Variants in KLHL29 observed in about 807,000 individuals in gnomAD.
KLHL29 encodes kelch-like protein 29.
Under a neutral mutation model 80.4 loss-of-function variants are expected in KLHL29, and 21 were observed. The observed-to-expected ratio is 0.26, with a 90% CI of 0.19 to 0.38. KLHL29 has a LOEUF of 0.38. Among genes scored for constraint, KLHL29 ranks in the 10% least tolerant of loss-of-function variants. The probability of loss-of-function intolerance (pLI) is 1.00; values close to 1 mark genes in which losing one functional copy is unlikely to be tolerated. For synonymous variants in KLHL29, 511 were observed against 526.8 expected (o/e 0.97, Z 0.41); for missense variants, 867 against 1,223.9 (o/e 0.71, Z 4.35).
At chr2:23,598,407 T>C (rs896091087) in intron 3 of KLHL29, among the ~76,000 whole-genome samples, 1 of 152,140 alleles carries the variant, frequency 6.6e-6, no homozygotes, top group African/African-American at 2.4e-5. Flanking sequence ...AAAAGGAAAA[T>C]TCAGATGATA....
At chr2:23,494,114 C>T (rs1665186567) in intron 2 of KLHL29, among the ~76,000 whole-genome samples, 1 of 152,172 alleles carries the variant, frequency 6.6e-6, no homozygotes, top group Non-Finnish European at 1.5e-5. Flanking sequence ...GAAGCTTGAA[C>T]TAAATTGCTT....
At chr2:23,691,502 C>T in intron 6 of KLHL29, 172 bp from the exon 7 acceptor site, 1 of 611,602 alleles carries the variant, frequency 1.6e-6, no homozygotes. Flanking sequence ...TGGTCAGACT[C>T]TTCTCTTTCA....
intron 3 of KLHL29, among the ~76,000 whole-genome samples, chr2:23,613,732 C>G (rs1375676966): frequency 1.5e-5 from 2 of 134,976 alleles, no homozygotes; most frequent in Admixed American, 7.9e-5. Flanking sequence ...CCATTGCACT[C>G]CAGCCTGGGC....
chr2:23,424,260 G>A (rs1317985873), intron 1 of KLHL29, among the ~76,000 whole-genome samples: 1 of 152,182 alleles, frequency 6.6e-6, no homozygotes, highest in Non-Finnish European at 1.5e-5. Flanking sequence ...ATGGAACTTT[G>A]GGAGCCTCTG....
At chr2:23,576,396 T>C (rs1419939567) in intron 3 of KLHL29, among the ~76,000 whole-genome samples, 1 of 152,038 alleles carries the variant, frequency 6.6e-6, no homozygotes, top group Non-Finnish European at 1.5e-5. Context: ...GAGCAAAATA[T>C]ATTGTACCCA....
chr2:23,584,993 C>G (rs1171903659), intron 3 of KLHL29, among the ~76,000 whole-genome samples: 1 of 152,198 alleles, frequency 6.6e-6, no homozygotes, highest in East Asian at 1.9e-4. Context: ...ACCTTGGCCT[C>G]CCAAAGTGCT....
intron 11 of KLHL29, among the ~76,000 whole-genome samples, chr2:23,701,691 T>C (rs1432913599): frequency 2.0e-5 from 3 of 151,504 alleles, no homozygotes; most frequent in Admixed American, 6.6e-5. Context: ...CATTCTAGCC[T>C]AGGCAACAGA....
At chr2:23,577,168 G>A (rs559519038) in intron 3 of KLHL29, among the ~76,000 whole-genome samples, 1 of 152,334 alleles carries the variant, frequency 6.6e-6, no homozygotes, top group East Asian at 1.9e-4. Flanking sequence ...AGACCAGTAG[G>A]AGCCAGTGCA....
intron 2 of KLHL29, among the ~76,000 whole-genome samples, chr2:23,546,862 G>A (rs576459273): frequency 4.7e-4 from 72 of 152,248 alleles, no homozygotes; most frequent in African/African-American, 1.6e-3. Flanking sequence ...GCAGTGGAGA[G>A]CGAGGGTTGT....
At chr2:23,469,051 T>C (rs891258000) in intron 1 of KLHL29, among the ~76,000 whole-genome samples, 9 of 152,260 alleles carry the variant, frequency 5.9e-5, no homozygotes, top group African/African-American at 1.4e-4. Context: ...CCTATTTCTT[T>C]GCCTGTTGTT....
At chr2:23,676,430 C>T (rs1670924036) in intron 5 of KLHL29, among the ~76,000 whole-genome samples, 1 of 152,198 alleles carries the variant, frequency 6.6e-6, no homozygotes, top group Non-Finnish European at 1.5e-5. Flanking sequence ...GATCTGCCCG[C>T]CTCAGCCTCC....
chr2:23,444,417 C>A lies in KLHL29; in HGVS notation c.-153-31143C>A, dbSNP rs796229810. Among the ~76,000 whole-genome samples, 3 of 152,162 alleles carry A rather than the reference C, an allele frequency of 2.0e-5. No individual in the cohort carries two copies. In the East Asian group the frequency reaches 5.8e-4, roughly 29 times the overall value. ...TTGGCTCACTGCAACCTCCGCCTCT[C>A]GGGTTCAAGCGATTCTCCTGCCTCA... On this transcript the variant is annotated intron_variant, in intron 1 of 13. Transcript: ENST00000486442.
Position 23,684,662 on chromosome 2 carries a change from T to TCTC in KLHL29, c.1079+148_1079+150dup, listed in dbSNP as rs66787697. 37 of 554,104 alleles carry TCTC rather than the reference T, an allele frequency of 6.7e-5. No individual in the cohort carries two copies. Among genetic ancestry groups the TCTC allele is most frequent in the African/African-American group, 3.2e-4 (17 of 52,804 alleles). 34.3% of individuals were successfully genotyped at this position (554,104 alleles called of 1,614,324 possible). A position where few individuals can be genotyped will look rare whatever the true frequency, so the allele number is the denominator to read the frequency against. On this transcript the variant is annotated intron_variant, in intron 6 of 13. Coordinates refer to ENST00000486442, the MANE Select transcript of KLHL29 (RefSeq NM_052920.2). The surrounding 1 kb of genome is among the most constrained non-coding windows in gnomAD (Gnocchi z 4.4). Reference sequence around the variant, plus strand: ...CCCTGTCACAGAGCCAGTAGCCATCTCTCCTCCTCCTCCTCCTCCTCCTCC... The same window carrying TCTC: ...CCCTGTCACAGAGCCAGTAGCCATCTCTCCTCCTCCTCCTCCTCCTCCTCCTCC...
At chr2:23,624,694 C>T (rs1455357816) in intron 3 of KLHL29, among the ~76,000 whole-genome samples, 1 of 152,234 alleles carries the variant, frequency 6.6e-6, no homozygotes, top group African/African-American at 2.4e-5. Context: ...GAGTCTCTGG[C>T]TGCAGCAACC....
intron 8 of KLHL29, among the ~76,000 whole-genome samples, chr2:23,693,870 G>A (rs1249607273): frequency 2.0e-5 from 3 of 152,166 alleles, no homozygotes; most frequent in South Asian, 4.1e-4. Flanking sequence ...TGGACAGCCC[G>A]CAATGGACCA....
intron 1 of KLHL29, among the ~76,000 whole-genome samples, chr2:23,415,403 C>T (rs890389360): frequency 2.6e-5 from 4 of 152,222 alleles, no homozygotes; most frequent in African/African-American, 9.6e-5. Flanking sequence ...ATTTTAAAAA[C>T]GTTCTTTCTT....
At chr2:23,649,786 G>A (rs766451348) in intron 5 of KLHL29, among the ~76,000 whole-genome samples, 1 of 152,230 alleles carries the variant, frequency 6.6e-6, no homozygotes, top group East Asian at 1.9e-4. Context: ...GGGGGCTTCA[G>A]GTGATGGTGC....
chr2:23,608,404 T>G (rs938374566), intron 3 of KLHL29, among the ~76,000 whole-genome samples: 1 of 151,048 alleles, frequency 6.6e-6, no homozygotes, highest in Non-Finnish European at 1.5e-5. Flanking sequence ...TCATCCTTCT[T>G]CCCCTACAAG....
chr2:23,595,809 C>G (rs1460792842), intron 3 of KLHL29, among the ~76,000 whole-genome samples: 2 of 152,190 alleles, frequency 1.3e-5, no homozygotes, highest in South Asian at 2.1e-4. Flanking sequence ...CATGCTGTCT[C>G]TCCACCAGGA....
Sources: allele counts gnomAD v4.1 joint callset (sites outside exome capture counted in the v4.1 genomes callset), GRCh38; gene constraint gnomAD v4.1.1; non-coding constraint Gnocchi (gnomAD v3.1); transcripts MANE v1.5; gene names NCBI Gene and HGNC (gene_info 2026-07-23, HGNC 2026-07-21).